FHIT: variants seen among roughly 807,000 people sequenced by gnomAD.
FHIT encodes the protein bis(5'-adenosyl)-triphosphatase.
Under a neutral mutation model 17.9 loss-of-function variants are expected in FHIT, and 19 were observed. The observed-to-expected ratio is 1.06, with a 90% CI of 0.74 to 1.56. The LOEUF is 1.56. Among genes scored for constraint, FHIT ranks in the 40% most tolerant of loss-of-function variants. FHIT has a pLI of 0.00. For missense variants in FHIT, 248 were observed against 189.2 expected, an observed-to-expected ratio of 1.31 and a Z score of -1.82; for synonymous variants, 81 against 69.7, an observed-to-expected ratio of 1.16 and a Z score of -0.81.
chr3:59,822,470 A>AT lies in FHIT; in HGVS notation c.349-70150dup, dbSNP rs536235433. The stretch of plus-strand genomic sequence containing the variant: ...CCACGCCAACATCTATTACTTTCTG[A>AT]TTTTTTTTTATCATGGCCATTCTTG... On this transcript the variant is annotated intron_variant, in intron 8 of 9. Coordinates refer to ENST00000492590, the MANE Select transcript of FHIT (RefSeq NM_002012.4). Among the ~76,000 whole-genome samples, 203 of 150,968 alleles carry AT rather than the reference A, an allele frequency of 1.3e-3. 6 individuals carry two copies. Among genetic ancestry groups the AT allele is most frequent in the African/African-American group, 9.5e-4 (39 of 41,070 alleles).
At chr3:61,175,707 C>T (rs2038137796) in intron 2 of FHIT, among the ~76,000 whole-genome samples, 2 of 152,062 alleles carry the variant, frequency 1.3e-5, no homozygotes, top group Non-Finnish European at 2.9e-5. Flanking sequence ...TCCCTCCTGC[C>T]ATGTGAGGAC....
At chr3:60,226,075 A>T (rs1348220939) in intron 5 of FHIT, among the ~76,000 whole-genome samples, 2 of 152,104 alleles carry the variant, frequency 1.3e-5, no homozygotes, top group African/African-American at 4.8e-5. Flanking sequence ...AAGGGTGAGG[A>T]GATGTTAACA....
chr3:61,209,403 G>T (rs1197751657), intron 1 of FHIT, among the ~76,000 whole-genome samples: 1 of 152,196 alleles, frequency 6.6e-6, no homozygotes, highest in East Asian at 1.9e-4. Flanking sequence ...ATGATATCCT[G>T]CAGAGTGTTT....
At chr3:61,204,726 G>A (rs1416040016) in intron 1 of FHIT, among the ~76,000 whole-genome samples, 2 of 152,066 alleles carry the variant, frequency 1.3e-5, no homozygotes, top group Admixed American at 6.6e-5. Flanking sequence ...TACACACCAC[G>A]GAAATAGGAA....
chr3:60,338,035 A>AT (rs969824218), intron 5 of FHIT, among the ~76,000 whole-genome samples: 5 of 151,930 alleles, frequency 3.3e-5, no homozygotes, highest in Non-Finnish European at 5.9e-5. Context: ...TTCTTTTCGA[A>AT]TTTTTTTTCC....
chr3:60,560,635 T>C (rs1395118565), intron 4 of FHIT, among the ~76,000 whole-genome samples: 1 of 152,060 alleles, frequency 6.6e-6, no homozygotes, highest in Non-Finnish European at 1.5e-5. Context: ...GCAGGCCTTA[T>C]CTGGCCTGCT....
At chr3:60,267,781 A>G (rs1220804914) in intron 5 of FHIT, among the ~76,000 whole-genome samples, 1 of 152,166 alleles carries the variant, frequency 6.6e-6, no homozygotes, top group Non-Finnish European at 1.5e-5. Flanking sequence ...CTGGAATTAT[A>G]TTTTTTCTAG....
chr3:59,895,587 T>A (rs1192253940), intron 8 of FHIT, among the ~76,000 whole-genome samples: 1 of 152,176 alleles, frequency 6.6e-6, no homozygotes, highest in Non-Finnish European at 1.5e-5. Flanking sequence ...TGATGCCACA[T>A]CCAGAACCTA....
intron 5 of FHIT, among the ~76,000 whole-genome samples, chr3:60,386,676 C>T (rs2107135614): frequency 6.6e-6 from 1 of 152,298 alleles, no homozygotes; most frequent in African/African-American, 2.4e-5. Context: ...TCATAGCACA[C>T]ATGGGTCAAA....
rs145148535 is a variant in FHIT at position 60,509,222 on chromosome 3, A to G, written c.103+27638T>C. Among the ~76,000 whole-genome samples, 437 of 152,310 alleles carry G rather than the reference A, an allele frequency of 2.9e-3. 5 individuals carry two copies. The East Asian group carries it at 0.031, about 11-fold the overall frequency. On this transcript the variant is annotated intron_variant, in intron 5 of 9. Transcript: ENST00000492590. Reference sequence around the variant, plus strand: ...CCAGGACATGTATGGTTGGAGCTACATCACTTCAATGGCAGCATCCTGAGG... The same window carrying G: ...CCAGGACATGTATGGTTGGAGCTACGTCACTTCAATGGCAGCATCCTGAGG...
chr3:60,101,364 G>C (rs1176590647), intron 5 of FHIT, among the ~76,000 whole-genome samples: 1 of 152,150 alleles, frequency 6.6e-6, no homozygotes, highest in East Asian at 1.9e-4. Flanking sequence ...TCTCACACCT[G>C]AGCACTTGCT....
chr3:60,178,120 A>C (rs1248942531), intron 5 of FHIT, among the ~76,000 whole-genome samples: 1 of 152,228 alleles, frequency 6.6e-6, no homozygotes, highest in Non-Finnish European at 1.5e-5. Context: ...TTCAGGAGGT[A>C]TTCAGAAGAA....
chr3:59,979,155 G>C (rs13077692), intron 7 of FHIT, among the ~76,000 whole-genome samples: 67,827 of 151,946 alleles, frequency 0.45, 16,146 homozygotes, highest in Middle Eastern at 0.57. Context: ...GAGGCTGAGA[G>C]AGCACAGAGC....
At chr3:59,851,323 T>G (rs544097253) in intron 8 of FHIT, among the ~76,000 whole-genome samples, 1 of 152,226 alleles carries the variant, frequency 6.6e-6, no homozygotes, top group Admixed American at 6.5e-5. Context: ...TAATAGAAAA[T>G]GTTAAGATTA....
At chr3:60,106,706 G>T (rs563868406) in intron 5 of FHIT, among the ~76,000 whole-genome samples, 23 of 152,200 alleles carry the variant, frequency 1.5e-4, no homozygotes, top group African/African-American at 5.5e-4. Context: ...TTCCCAAAGG[G>T]TGCATGTAGT....
chr3:60,084,692 A>G (rs1420017968), intron 5 of FHIT, among the ~76,000 whole-genome samples: 1 of 152,186 alleles, frequency 6.6e-6, no homozygotes, highest in African/African-American at 2.4e-5. Flanking sequence ...TAGACTCAGC[A>G]TATAGGTGTT....
At chr3:60,555,503 T>C (rs2036711421) in intron 4 of FHIT, among the ~76,000 whole-genome samples, 1 of 152,222 alleles carries the variant, frequency 6.6e-6, no homozygotes, top group East Asian at 1.9e-4. Flanking sequence ...TGCTTTTTCA[T>C]TGCTTGACAA....
In FHIT at chr3:61,063,369, C is replaced by T. The variant is rs1028748194; in HGVS notation, c.-163-21270G>A. Among the ~76,000 whole-genome samples, 89 of 152,060 alleles carry T rather than the reference C, an allele frequency of 5.9e-4. 1 individual carries two copies. Among genetic ancestry groups the T allele is most frequent in the African/African-American group, 1.9e-3 (80 of 41,462 alleles). On this transcript the variant is annotated intron_variant, in intron 2 of 9. Transcript: ENST00000492590. ...AGATGTGAATACAAGGCCACAAGTT[C>T]GTAAGTGATACTGCCGGGGCTCAAA...
intron 8 of FHIT, among the ~76,000 whole-genome samples, chr3:59,848,107 C>A (rs1701789134): frequency 6.6e-6 from 1 of 152,136 alleles, no homozygotes. Context: ...AGGATAGAGT[C>A]CTTTTTGCCC....
Sources: gnomAD v4.1 joint callset for allele counts (sites outside exome capture counted in the v4.1 genomes callset) on GRCh38, gnomAD v4.1.1 for gene constraint, MANE v1.5 for transcripts, NCBI Gene and HGNC (gene_info 2026-07-23, HGNC 2026-07-21) for gene names.